The following RSPH6A variants were observed in gnomAD, a reference collection of about 807,000 sequenced individuals.
RSPH6A encodes radial spoke head 6 homolog A.
Under a neutral mutation model 66.1 loss-of-function variants are expected in RSPH6A, and 49 were observed. The observed-to-expected ratio is 0.74, with a 90% CI of 0.59 to 0.94. The LOEUF (loss-of-function observed/expected upper bound fraction) is 0.94, where lower values mean the gene tolerates loss of function less well. Ranked by LOEUF, RSPH6A falls within the 40% of genes least tolerant of loss-of-function variation. The pLI is 0.00. For missense variants in RSPH6A, 977 were observed against 948.3 expected, an observed-to-expected ratio of 1.03 and a Z score of -0.40; for synonymous variants, 419 against 402.4, an observed-to-expected ratio of 1.04 and a Z score of -0.49.
intron 2 of RSPH6A, 137 bp downstream of exon 2, chr19:45,810,466 T>G: frequency 2.4e-6 from 2 of 841,684 alleles, no homozygotes; most frequent in South Asian, 3.1e-5. Flanking sequence ...CACCCCATCC[T>G]GCCAAGACTG....
rs750379006 is a variant in RSPH6A, at chr19:45,805,004, C to T, written c.901G>A (p.Val301Met). 1 of 1,610,056 alleles carries T rather than the reference C, an allele frequency of 6.2e-7. No homozygotes were observed. The highest frequency in any genetic ancestry group is 8.5e-7 in the Non-Finnish European group (1 of 1,179,422). Residue 301 changes from valine (V) to methionine (M), a missense_variant, in exon 3 of 6, where the codon GTG becomes ATG. Physicochemically the swap from Val to Met is conservative, Grantham distance 21 (BLOSUM62 1). Transcript: ENST00000221538. ...AAGGCAGTCTCCATGATGTTGGGCA[C>T]TGGTGTCTCCCCCTGCGCAGGGTAG... ...EMEEEVGETP[V>M]PNIMETAFYF... is the part of the protein sequence containing the mutation.
intron 4 of RSPH6A, among the ~76,000 whole-genome samples, 167 bp from the exon 5 acceptor site, chr19:45,800,730 CCACACACACACACACACACA>C (rs3045732): frequency 9.9e-4 from 112 of 113,354 alleles, no homozygotes; most frequent in South Asian, 1.9e-3. Context: ...TCGCTGCAGA[CCACACACACACACACACACA>C]CACACACACA....
chr19:45,800,766 A>T (rs1970462142), intron 4 of RSPH6A, among the ~76,000 whole-genome samples: 1 of 117,344 alleles, frequency 8.5e-6, no homozygotes, highest in Non-Finnish European at 1.9e-5. Flanking sequence ...ACACACACAC[A>T]CACACACACT....
chr19:45,807,439 TCTC>T (rs1382983384), intron 2 of RSPH6A, among the ~76,000 whole-genome samples: 1 of 150,970 alleles, frequency 6.6e-6, no homozygotes, highest in Non-Finnish European at 1.5e-5. Context: ...ATGGTCTTGA[TCTC>T]CTGATCTTGT....
intron 1 of RSPH6A, among the ~76,000 whole-genome samples, chr19:45,812,682 C>T (rs1443502911): frequency 6.6e-6 from 1 of 151,916 alleles, no homozygotes; most frequent in Non-Finnish European, 1.5e-5. Flanking sequence ...AGGGGCTGAA[C>T]CACGTAAGGC....
At chr19:45,808,832 T>C (rs1346865863) in intron 2 of RSPH6A, among the ~76,000 whole-genome samples, 2 of 147,692 alleles carry the variant, frequency 1.4e-5, no homozygotes, top group African/African-American at 2.5e-5. Flanking sequence ...TGGCTAATTT[T>C]GTTTTTGTAT....
chr19:45,799,657 C>T (rs1159286342), intron 5 of RSPH6A, among the ~76,000 whole-genome samples: 1 of 152,098 alleles, frequency 6.6e-6, no homozygotes, highest in Non-Finnish European at 1.5e-5. Flanking sequence ...GGATTACAGG[C>T]ATGAGCCAGT....
chr19:45,800,772 A>ACCCT, intron 4 of RSPH6A, among the ~76,000 whole-genome samples: 1 of 98,246 alleles, frequency 1.0e-5, no homozygotes, highest in Non-Finnish European at 2.2e-5. Flanking sequence ...ACACACACAC[A>ACCCT]CACTCTCTCT....
At chr19:45,799,841 G>A (rs762615298) in intron 5 of RSPH6A, among the ~76,000 whole-genome samples, 9 of 152,206 alleles carry the variant, frequency 5.9e-5, no homozygotes, top group Admixed American at 1.3e-4. Context: ...GAGGTCAGGA[G>A]TCTGAGACCA....
chr19:45,809,454 G>A (rs10421014), intron 2 of RSPH6A, among the ~76,000 whole-genome samples: 131,949 of 151,116 alleles, frequency 0.87, 57,818 homozygotes, highest in African/African-American at 0.95. Context: ...ACAGGTGCCC[G>A]CCACCATGCC....
chr19:45,797,746 T>C (rs971857478), intron 5 of RSPH6A, among the ~76,000 whole-genome samples: 32 of 151,930 alleles, frequency 2.1e-4, no homozygotes, highest in Admixed American at 1.6e-3. Flanking sequence ...TGGGCGCCTG[T>C]AGTCCCAGCT....
chr19:45,805,356 C>T (rs185377415), intron 2 of RSPH6A, among the ~76,000 whole-genome samples: 12 of 152,034 alleles, frequency 7.9e-5, no homozygotes, highest in African/African-American at 2.7e-4. Flanking sequence ...GAGATTGCTC[C>T]ACGCACTCCA....
At chr19:45,796,160 CTTTTTTTT>C in intron 5 of RSPH6A, 54 bp from the exon 6 acceptor site, 2 of 920,124 alleles carry the variant, frequency 2.2e-6, no homozygotes, top group Non-Finnish European at 3.0e-6. Context: ...CCAGACTTGA[CTTTTTTTT>C]TTTTTTTTTT....
chr19:45,802,148 TG>T lies in RSPH6A; in HGVS notation c.1769del (p.Pro590HisfsTer3), dbSNP rs767217380. 9 of 1,553,056 alleles carry T rather than the reference TG, an allele frequency of 5.8e-6. No homozygotes were observed. Among genetic ancestry groups the T allele is most frequent in the Admixed American group, 5.3e-5 (3 of 56,638 alleles). The stretch of plus-strand genomic sequence containing the variant: ...CATCTTCTGAAAGTGGCGTTAGCAG[TG>T]GGGGGCCAACCTCCTGCTCCACCTC... ...PEEVEQEVGP[P>X]LLTPLSEDAE... On this transcript the variant is annotated frameshift_variant, in exon 4 of 6. Coordinates refer to ENST00000221538, the MANE Select transcript of RSPH6A (RefSeq NM_030785.4). LOFTEE classifies it high-confidence loss of function.
At position 45,804,906 on chromosome 19, in the gene RSPH6A, C is replaced by T. The variant is rs969451510; in HGVS notation, c.999G>A (p.Leu333=). 2 of 1,614,106 alleles carry T rather than the reference C, an allele frequency of 1.2e-6. No individual in the cohort carries two copies. The highest frequency in any genetic ancestry group is 1.3e-5 in the African/African-American group (1 of 74,930). The change falls in exon 3 of 6, where the codon CTG becomes CTA. Residue 333 remains leucine, a synonymous_variant. Coordinates refer to ENST00000221538, the MANE Select transcript of RSPH6A (RefSeq NM_030785.4). This position sits in a 1 kb window ranked among gnomAD's most constrained non-coding sequence, Gnocchi z 5.8. ...AGGTGTGGATGGGCTGCTGCTCCAC[C>T]AGCTGTTTCATGGCCAGGAAAATGC... ...SFRIFLAMKQ[L]VEQQPIHTCR... is the part of the protein sequence containing the mutation.
chr19:45,800,265 G>T (rs1241628246), intron 5 of RSPH6A, among the ~76,000 whole-genome samples, 181 bp downstream of exon 5: 1 of 152,158 alleles, frequency 6.6e-6, no homozygotes, highest in African/African-American at 2.4e-5. Context: ...CATCCTAGTG[G>T]GCTGGTATTT....
In RSPH6A at chr19:45,796,046, C is replaced by T. The variant is rs531067919; in HGVS notation, c.1977G>A (p.Pro659=). The stretch of plus-strand genomic sequence containing the variant: ...CTTGTTGAATGGGGGCTGGCAGGGC[C>T]GGGTTGAAGCTCTCGGGGCTGTACT... ...GHKYSPESFN[P]ALPAPIQQEY... Residue 659 remains proline (P), a synonymous_variant, in exon 6 of 6, where the codon CCG becomes CCA. Transcript: ENST00000221538. 8 of 1,612,794 alleles carry T rather than the reference C, an allele frequency of 5.0e-6. No homozygotes were observed. Among genetic ancestry groups the T allele is most frequent in the Admixed American group, 1.7e-5 (1 of 59,932 alleles).
At chr19:45,814,250 G>T (rs1970668860) in intron 1 of RSPH6A, among the ~76,000 whole-genome samples, 1 of 152,152 alleles carries the variant, frequency 6.6e-6, no homozygotes, top group South Asian at 2.1e-4. Flanking sequence ...TTTTGGGTAA[G>T]CGACCCAACT....
rs763416281 is a variant in RSPH6A, at chr19:45,815,181, C to G, written c.-5G>C. The G allele has an allele frequency of 6.3e-7, 1 of 1,590,642 alleles. No individual in the cohort carries two copies. Among genetic ancestry groups the G allele is most frequent in the African/African-American group, 1.3e-5 (1 of 74,442 alleles). Reference sequence around the variant, plus strand: ...GTAGGGCGGCAGGTCTCCCATGGTTCGCCAGGAGGCACAGATCTCTAGGAG... The same window carrying G: ...GTAGGGCGGCAGGTCTCCCATGGTTGGCCAGGAGGCACAGATCTCTAGGAG... On this transcript the variant is annotated 5_prime_UTR_variant, in exon 1 of 6. Transcript: ENST00000221538.
Sources: allele counts gnomAD v4.1 joint callset (sites outside exome capture counted in the v4.1 genomes callset), GRCh38; gene constraint gnomAD v4.1.1; non-coding constraint Gnocchi (gnomAD v3.1); transcripts MANE v1.5; gene names NCBI Gene and HGNC (gene_info 2026-07-23, HGNC 2026-07-21).